Variants in AUTS2 observed in about 807,000 individuals in gnomAD.
AUTS2 encodes the protein activator of transcription and developmental regulator AUTS2.
Under a neutral mutation model 112.4 loss-of-function variants are expected in AUTS2, and 17 were observed. The ratio of observed to expected loss-of-function variants is 0.15; its 90% CI spans 0.10 to 0.23. The LOEUF is 0.23. AUTS2 is among the 10% of genes least tolerant of loss of function. The probability of loss-of-function intolerance (pLI) is 1.00; values close to 1 mark genes in which losing one functional copy is unlikely to be tolerated. For synonymous variants in AUTS2, 751 were observed against 702.7 expected (o/e 1.07, Z -1.09); for missense variants, 1,510 against 1,701.6 (o/e 0.89, Z 1.98).
intron 10 of AUTS2, among the ~76,000 whole-genome samples, chr7:70,770,356 C>T (rs966873234): frequency 1.3e-5 from 2 of 152,176 alleles, no homozygotes; most frequent in East Asian, 1.9e-4. Context: ...GCTCTGAACA[C>T]GGGATTGCGA....
chr7:70,142,818 A>G (rs1224864789), intron 4 of AUTS2, among the ~76,000 whole-genome samples: 1 of 152,160 alleles, frequency 6.6e-6, no homozygotes, highest in East Asian at 1.9e-4. Flanking sequence ...ATTGGCTTTA[A>G]GGAAGGTTGT....
At chr7:69,656,677 C>T (rs1341065385) in intron 1 of AUTS2, among the ~76,000 whole-genome samples, 1 of 152,134 alleles carries the variant, frequency 6.6e-6, no homozygotes, top group African/African-American at 2.4e-5. Flanking sequence ...AAAAGAACCA[C>T]CCAGATCTTG....
At chr7:70,627,782 A>C (rs372471109) in intron 5 of AUTS2, among the ~76,000 whole-genome samples, 1 of 152,248 alleles carries the variant, frequency 6.6e-6, no homozygotes. Flanking sequence ...CTAGATGTGC[A>C]TTTAGCATCT....
intron 1 of AUTS2, among the ~76,000 whole-genome samples, chr7:69,855,352 T>C (rs182552294): frequency 1.3e-5 from 2 of 152,312 alleles, no homozygotes; most frequent in Admixed American, 6.5e-5. Flanking sequence ...GACAGGCTAA[T>C]AGAGATCTGT....
chr7:70,788,641 T>C (rs1404150078), intron 18 of AUTS2, among the ~76,000 whole-genome samples: 1 of 152,242 alleles, frequency 6.6e-6, no homozygotes, highest in Non-Finnish European at 1.5e-5. Flanking sequence ...AAATGGCCTC[T>C]TGGATTAAAG....
intron 1 of AUTS2, among the ~76,000 whole-genome samples, chr7:69,843,420 C>A (rs903284968): frequency 6.6e-6 from 1 of 151,880 alleles, no homozygotes; most frequent in African/African-American, 2.4e-5. Context: ...TATAAGAGGT[C>A]AAAATTTAGG....
intron 5 of AUTS2, among the ~76,000 whole-genome samples, chr7:70,607,685 G>C (rs1803858089): frequency 6.6e-6 from 1 of 152,172 alleles, no homozygotes; most frequent in Non-Finnish European, 1.5e-5. Context: ...AGATGAATTT[G>C]GCACATGTTC....
At chr7:70,322,267 A>G (rs1451180707) in intron 4 of AUTS2, among the ~76,000 whole-genome samples, 3 of 152,224 alleles carry the variant, frequency 2.0e-5, no homozygotes, top group Non-Finnish European at 4.4e-5. Context: ...AATTCTTTAT[A>G]AAATGAACTG....
At chr7:70,392,505 T>A (rs983235485) in intron 4 of AUTS2, among the ~76,000 whole-genome samples, 1 of 152,238 alleles carries the variant, frequency 6.6e-6, no homozygotes, top group Non-Finnish European at 1.5e-5. Flanking sequence ...GTAATGGGAC[T>A]AATGACTCAA....
intron 2 of AUTS2, among the ~76,000 whole-genome samples, chr7:69,943,938 T>C (rs931936379): frequency 4.9e-4 from 74 of 152,322 alleles, no homozygotes; most frequent in African/African-American, 1.7e-3. Context: ...ACTGGTGATA[T>C]GAAATGCTGC....
chr7:69,898,534 T>A (rs1323156159), intron 1 of AUTS2, among the ~76,000 whole-genome samples: 1 of 152,194 alleles, frequency 6.6e-6, no homozygotes, highest in East Asian at 1.9e-4. Context: ...TGTACTGAGC[T>A]GCCTGGAGGC....
intron 5 of AUTS2, among the ~76,000 whole-genome samples, chr7:70,500,848 G>A (rs892066916): frequency 3.3e-5 from 5 of 151,812 alleles, no homozygotes; most frequent in South Asian, 2.1e-4. Context: ...CAGCCTCCTC[G>A]AGTAGCTGGG....
In AUTS2 at chr7:70,456,885, G is replaced by A. The variant is rs1459419647; in HGVS notation, c.690+21104G>A. ...TGGAGTGTGAAGTGTGACTTGCTTG[G>A]GCCCCTGCAGCCTTGCCTCCCTGCA... On this transcript the variant is annotated intron_variant, in intron 5 of 18. Transcript: ENST00000342771. Among the ~76,000 whole-genome samples, 2 of 152,172 alleles carry A rather than the reference G, an allele frequency of 1.3e-5. 1 individual carries two copies. Among genetic ancestry groups the A allele is most frequent in the Non-Finnish European group, 2.9e-5 (2 of 68,030 alleles).
chr7:70,620,432 T>C (rs753953374), intron 5 of AUTS2, among the ~76,000 whole-genome samples: 1 of 152,122 alleles, frequency 6.6e-6, no homozygotes, highest in Non-Finnish European at 1.5e-5. Context: ...CCACATCTTA[T>C]GGGCATCGGT....
intron 1 of AUTS2, among the ~76,000 whole-genome samples, chr7:69,880,763 T>C (rs1208279872): frequency 6.6e-6 from 1 of 152,026 alleles, no homozygotes; most frequent in South Asian, 2.1e-4. Flanking sequence ...TGGATGAGGG[T>C]AGATGAAGTA....
intron 2 of AUTS2, among the ~76,000 whole-genome samples, chr7:70,003,489 T>A (rs548029051): frequency 8.5e-4 from 106 of 125,128 alleles, no homozygotes; most frequent in African/African-American, 3.2e-3. Context: ...ATATATATAA[T>A]ATATATGAAT....
chr7:70,298,044 T>C (rs1359278674), intron 4 of AUTS2, among the ~76,000 whole-genome samples: 1 of 151,950 alleles, frequency 6.6e-6, no homozygotes, highest in East Asian at 1.9e-4. Context: ...TTTTGTTTTG[T>C]TTTTTGAGAC....
intron 5 of AUTS2, among the ~76,000 whole-genome samples, chr7:70,566,288 A>C (rs976856809): frequency 3.3e-5 from 5 of 152,262 alleles, no homozygotes; most frequent in African/African-American, 1.2e-4. Flanking sequence ...TAAAACATTT[A>C]CATTGTATTT....
intron 5 of AUTS2, among the ~76,000 whole-genome samples, chr7:70,538,511 C>A (rs1019431696): frequency 6.6e-6 from 1 of 152,098 alleles, no homozygotes; most frequent in African/African-American, 2.4e-5. Context: ...GCCTGGGCAA[C>A]AGAGCAAGAC....
Sources: gnomAD v4.1 joint callset for allele counts (sites outside exome capture counted in the v4.1 genomes callset) on GRCh38, gnomAD v4.1.1 for gene constraint, MANE v1.5 for transcripts, NCBI Gene and HGNC (gene_info 2026-07-23, HGNC 2026-07-21) for gene names.